Variants in PPP3CA observed in about 807,000 individuals in gnomAD.
PPP3CA encodes CAM-PRP catalytic subunit.
A neutral mutation model predicts 66.5 loss-of-function variants in PPP3CA; 14 were observed. That is an observed-to-expected ratio of 0.21 (90% CI 0.14 to 0.33). The LOEUF (loss-of-function observed/expected upper bound fraction) is 0.33, where lower values mean the gene tolerates loss of function less well. PPP3CA is among the 10% of genes least tolerant of loss of function. The pLI is 1.00. For synonymous variants in PPP3CA, 232 were observed against 226.2 expected (o/e 1.03, Z -0.23); for missense variants, 317 against 639.5 (o/e 0.50, Z 5.44).
intron 1 of PPP3CA, among the ~76,000 whole-genome samples, chr4:101,241,604 T>G (rs1726312874): frequency 6.6e-6 from 1 of 152,164 alleles, no homozygotes; most frequent in South Asian, 2.1e-4. Context: ...TGCTTACTAT[T>G]TTCCAGGTCC....
chr4:101,303,753 G>C (rs1530259), intron 1 of PPP3CA, among the ~76,000 whole-genome samples: 71,094 of 151,962 alleles, frequency 0.47, 20,378 homozygotes, highest in African/African-American at 0.8. Context: ...CATTCACCTT[G>C]TTATCGTGAG....
chr4:101,079,996 G>A (rs1401322502), intron 8 of PPP3CA, among the ~76,000 whole-genome samples: 1 of 152,194 alleles, frequency 6.6e-6, no homozygotes, highest in African/African-American at 2.4e-5. Context: ...ATTAAAGAAG[G>A]AGGAGGTAGA....
At chr4:101,141,078 C>A (rs1295526241) in intron 2 of PPP3CA, among the ~76,000 whole-genome samples, 1 of 152,122 alleles carries the variant, frequency 6.6e-6, no homozygotes, top group Non-Finnish European at 1.5e-5. Flanking sequence ...TGTTTTATTT[C>A]TCTGCTCAAA....
intron 2 of PPP3CA, among the ~76,000 whole-genome samples, chr4:101,178,127 T>C (rs1048083078): frequency 6.6e-6 from 1 of 152,102 alleles, no homozygotes; most frequent in Non-Finnish European, 1.5e-5. Flanking sequence ...GAAGTTTAAA[T>C]GAGGAGCATG....
At chr4:101,170,924 G>A (rs745517242) in intron 2 of PPP3CA, among the ~76,000 whole-genome samples, 2 of 152,066 alleles carry the variant, frequency 1.3e-5, no homozygotes, top group African/African-American at 2.4e-5. Flanking sequence ...TCGCATTCTA[G>A]TCTAGTCAAA....
At chr4:101,118,215 T>C (rs900482082) in intron 2 of PPP3CA, among the ~76,000 whole-genome samples, 15 of 152,034 alleles carry the variant, frequency 9.9e-5, no homozygotes, top group African/African-American at 3.6e-4. Context: ...CTTTCACCCT[T>C]TGGAGAGGCA....
intron 1 of PPP3CA, among the ~76,000 whole-genome samples, chr4:101,292,863 A>G (rs1279076713): frequency 5.3e-5 from 8 of 152,160 alleles, no homozygotes; most frequent in Admixed American, 1.3e-4. Flanking sequence ...TGAATATTCA[A>G]TCTAGTTTGT....
chr4:101,226,820 T>C (rs983008044), intron 1 of PPP3CA, among the ~76,000 whole-genome samples: 6 of 151,734 alleles, frequency 4.0e-5, no homozygotes, highest in Admixed American at 2.0e-4. Flanking sequence ...TCTGCATTCA[T>C]GGTGTCTTCT....
At position 101,290,087 on chromosome 4, in the gene PPP3CA, C is replaced by G. The variant is rs78555126; in HGVS notation, c.58+56652G>C. 3.2e-3 allele frequency among the ~76,000 whole-genome samples: 485 copies of G among 152,216 alleles called. 4 individuals are homozygous for G. Among genetic ancestry groups the G allele is most frequent in the Non-Finnish European group, 4.7e-3 (319 of 68,004 alleles). On this transcript the variant is annotated intron_variant, in intron 1 of 13. Transcript: ENST00000394854. ...TTGTACCTAGCAAGACAAAAGTGAT[C>G]TACAGTTTTAAGAGATGAGTGACAT...
intron 10 of PPP3CA, 86 bp from the exon 11 acceptor site, chr4:101,040,652 A>G: frequency 3.0e-6 from 3 of 1,005,768 alleles, no homozygotes; most frequent in Non-Finnish European, 4.3e-6. Flanking sequence ...AACAGACTCC[A>G]GTAAGCAAAA....
At chr4:101,046,176 G>C (rs1560576618) in intron 10 of PPP3CA, among the ~76,000 whole-genome samples, 1 of 152,062 alleles carries the variant, frequency 6.6e-6, no homozygotes, top group Non-Finnish European at 1.5e-5. Context: ...AACTGAACTG[G>C]CGGGATTTTG....
chr4:101,153,931 G>T (rs573455854), intron 2 of PPP3CA, among the ~76,000 whole-genome samples: 1 of 151,338 alleles, frequency 6.6e-6, no homozygotes, highest in Non-Finnish European at 1.5e-5. Context: ...AAAAAAAAAA[G>T]CACAATACAT....
At chr4:101,161,871 C>T (rs1210973816) in intron 2 of PPP3CA, among the ~76,000 whole-genome samples, 2 of 152,102 alleles carry the variant, frequency 1.3e-5, no homozygotes, top group African/African-American at 4.8e-5. Context: ...CATTTTGTCA[C>T]AGGCAGACAT....
At chr4:101,096,965 T>C (rs901973941) in intron 5 of PPP3CA, among the ~76,000 whole-genome samples, 1 of 152,134 alleles carries the variant, frequency 6.6e-6, no homozygotes, top group African/African-American at 2.4e-5. Flanking sequence ...AACAATTAAA[T>C]GGCAATCAAT....
intron 1 of PPP3CA, among the ~76,000 whole-genome samples, chr4:101,299,218 C>G (rs1441808251): frequency 7.2e-6 from 1 of 139,814 alleles, no homozygotes; most frequent in African/African-American, 2.7e-5. Flanking sequence ...CTCCCAAAGT[C>G]CTGGAATTAC....
Position 101,347,005 on chromosome 4 carries a change from T to G in PPP3CA, c.-209A>C, listed in dbSNP as rs950011396. ...CCGCCGCCGCCGCCTTCACTCCTCC[T>G]CCGCCGCTGCCGCCAGCCCCGCCGA... is the stretch of plus-strand genomic sequence containing the variant. On this transcript the variant is annotated 5_prime_UTR_variant, in exon 1 of 14. Transcript: ENST00000394854. 3.0e-5 allele frequency: 18 copies of G among 603,138 alleles called. No homozygotes were observed. Among genetic ancestry groups the G allele is most frequent in the African/African-American group, 1.6e-4 (8 of 50,462 alleles). 37.4% of individuals were successfully genotyped at this position (603,138 alleles called of 1,614,324 possible).
chr4:101,152,460 TC>T (rs535794001), intron 2 of PPP3CA, among the ~76,000 whole-genome samples: 36 of 152,338 alleles, frequency 2.4e-4, no homozygotes, highest in African/African-American at 8.7e-4. Flanking sequence ...GTCCAAATGA[TC>T]ACATTCTAAT....
At chr4:101,129,458 C>T (rs886282062) in intron 2 of PPP3CA, among the ~76,000 whole-genome samples, 1 of 152,172 alleles carries the variant, frequency 6.6e-6, no homozygotes, top group Non-Finnish European at 1.5e-5. Flanking sequence ...CTGGGAGACA[C>T]CTCCCAGCAG....
At chr4:101,282,598 T>C (rs965256241) in intron 1 of PPP3CA, among the ~76,000 whole-genome samples, 5 of 152,218 alleles carry the variant, frequency 3.3e-5, no homozygotes. Context: ...TTCTTTGGTC[T>C]ATTCACTTGT....
Sources: allele counts gnomAD v4.1 joint callset (sites outside exome capture counted in the v4.1 genomes callset), GRCh38; gene constraint gnomAD v4.1.1; transcripts MANE v1.5; gene names NCBI Gene and HGNC (gene_info 2026-07-23, HGNC 2026-07-21).